Variants in CDH13 observed in about 807,000 individuals in gnomAD.
The protein encoded by CDH13 is cadherin-13.
In CDH13, 24 loss-of-function variants were observed where a neutral mutation model predicts 63.8. That is an observed-to-expected ratio of 0.38 (90% CI 0.27 to 0.53). The LOEUF (loss-of-function observed/expected upper bound fraction) is 0.53, where lower values mean the gene tolerates loss of function less well. CDH13 is among the 20% of genes least tolerant of loss of function. The pLI is 0.85. For synonymous variants in CDH13, 503 were observed against 355.3 expected, an observed-to-expected ratio of 1.42 and a Z score of -4.67; for missense variants, 1,049 against 903.1, an observed-to-expected ratio of 1.16 and a Z score of -2.07.
intron 2 of CDH13, among the ~76,000 whole-genome samples, chr16:83,010,651 C>G (rs1157370289): frequency 6.6e-6 from 1 of 152,146 alleles, no homozygotes; most frequent in East Asian, 1.9e-4. Context: ...GTGGGTGAAT[C>G]TGCTGCAAAC....
chr16:83,268,242 T>G (rs2088684980), intron 5 of CDH13, among the ~76,000 whole-genome samples: 1 of 152,210 alleles, frequency 6.6e-6, no homozygotes, highest in Non-Finnish European at 1.5e-5. Flanking sequence ...ACTCATGTTG[T>G]ATACAACCTT....
intron 2 of CDH13, among the ~76,000 whole-genome samples, chr16:82,870,630 G>T (rs193250861): frequency 1.3e-5 from 2 of 152,098 alleles, no homozygotes; most frequent in East Asian, 3.9e-4. Context: ...TACCCAATAA[G>T]ATGAAATTGG....
In CDH13 at chr16:83,047,243, T is replaced by TTA. The variant is rs921820921; in HGVS notation, c.366+15027_366+15028dup. Among the ~76,000 whole-genome samples the TTA allele has an allele frequency of 1.1e-4, 17 of 152,088 alleles. No homozygotes were observed. The highest frequency in any genetic ancestry group is 4.1e-4 in the African/African-American group (17 of 41,412). Reference sequence around the variant, plus strand: ...TTACTCCAGAGGCCTGTGTATTTATTTATTTATTTATTTTTTTGGTAAAGG... The same window carrying TTA: ...TTACTCCAGAGGCCTGTGTATTTATTTATATTTATTTATTTTTTTGGTAAAGG... On this transcript the variant is annotated intron_variant, in intron 3 of 13. Transcript: ENST00000567109. This position sits in a 1 kb window ranked among gnomAD's most constrained non-coding sequence, Gnocchi z 4.9.
intron 1 of CDH13, among the ~76,000 whole-genome samples, chr16:82,835,683 C>A (rs2038737825): frequency 6.6e-6 from 1 of 152,296 alleles, no homozygotes; most frequent in South Asian, 2.1e-4. Flanking sequence ...AGCGGCCTCC[C>A]TGCTCCTGTT....
chr16:83,567,470 C>A (rs930238798), intron 7 of CDH13, among the ~76,000 whole-genome samples: 3 of 152,152 alleles, frequency 2.0e-5, no homozygotes, highest in Non-Finnish European at 4.4e-5. Context: ...CATAAGACTT[C>A]GCTAGTAAAT....
intron 3 of CDH13, among the ~76,000 whole-genome samples, chr16:83,088,436 T>C (rs947239771): frequency 6.6e-6 from 1 of 152,178 alleles, no homozygotes; most frequent in African/African-American, 2.4e-5. Context: ...TGTTTCCAGG[T>C]GACAGTTGCC....
intron 7 of CDH13, among the ~76,000 whole-genome samples, chr16:83,541,934 C>A (rs1328501547): frequency 2.1e-4 from 32 of 152,180 alleles, no homozygotes; most frequent in Non-Finnish European, 3.4e-4. Flanking sequence ...CATCATTGTA[C>A]CCATTCCCTA....
At chr16:83,055,860 C>G (rs934659217) in intron 3 of CDH13, among the ~76,000 whole-genome samples, 5 of 151,944 alleles carry the variant, frequency 3.3e-5, no homozygotes, top group Non-Finnish European at 7.4e-5. Flanking sequence ...AATTTGACTT[C>G]AATAAAAGTA....
At chr16:83,702,817 G>C (rs937904042) in intron 10 of CDH13, among the ~76,000 whole-genome samples, 31 of 152,176 alleles carry the variant, frequency 2.0e-4, no homozygotes, top group Non-Finnish European at 3.8e-4. Flanking sequence ...AGAGGGTCTG[G>C]GAGAAAACTG....
At position 82,937,825 on chromosome 16, in the gene CDH13, A is replaced by G. The variant is rs1033961983; in HGVS notation, c.157+79352A>G. On this transcript the variant is annotated intron_variant, in intron 2 of 13. Transcript: ENST00000567109. ...GTAGATTTAATGTTGTTTATTCATC[A>G]TATCTATCACATTTGTTTTTTAAAT... Among the ~76,000 whole-genome samples the G allele has an allele frequency of 8.5e-5, 13 of 152,358 alleles. No homozygotes were observed. The East Asian group carries it at 2.1e-3, about 25-fold the overall frequency.
intron 6 of CDH13, among the ~76,000 whole-genome samples, chr16:83,411,697 C>T (rs1426442298): frequency 2.0e-5 from 3 of 152,070 alleles, no homozygotes; most frequent in African/African-American, 4.8e-5. Context: ...TCTGATATGT[C>T]CCTAGTACAC....
intron 2 of CDH13, among the ~76,000 whole-genome samples, chr16:82,959,873 G>A (rs113915668): frequency 3.3e-5 from 5 of 152,238 alleles, no homozygotes; most frequent in African/African-American, 1.2e-4. Flanking sequence ...GCACAATTGT[G>A]TACAGATTTT....
At chr16:82,724,231 C>T (rs949134800) in intron 1 of CDH13, among the ~76,000 whole-genome samples, 5 of 152,112 alleles carry the variant, frequency 3.3e-5, no homozygotes, top group Non-Finnish European at 7.4e-5. Context: ...TTTCATTAAT[C>T]CAGTCATCCT....
At chr16:83,090,297 C>T (rs758923975) in intron 3 of CDH13, among the ~76,000 whole-genome samples, 53 of 152,188 alleles carry the variant, frequency 3.5e-4, no homozygotes, top group African/African-American at 9.4e-4. Flanking sequence ...GTTTGTGGGC[C>T]GGGCACGGTG....
rs544627455 is a variant in CDH13, at chr16:82,816,872, C to G, written c.46-41490C>G. 5.3e-4 allele frequency among the ~76,000 whole-genome samples: 81 copies of G among 152,002 alleles called. 1 individual carries two copies. In the Middle Eastern group the frequency reaches 0.01, roughly 19 times the overall value. On this transcript the variant is annotated intron_variant, in intron 1 of 13. Transcript: ENST00000567109. Reference sequence around the variant, plus strand: ...GCACTCCTGAAGCTCCAACTCAGCACAGGATACAACGAAAGGATAATGTGA... The same window carrying G: ...GCACTCCTGAAGCTCCAACTCAGCAGAGGATACAACGAAAGGATAATGTGA...
At chr16:83,506,282 G>C (rs546425413) in intron 7 of CDH13, among the ~76,000 whole-genome samples, 1 of 152,266 alleles carries the variant, frequency 6.6e-6, no homozygotes, top group African/African-American at 2.4e-5. Flanking sequence ...TGATCTCTCT[G>C]GGGGTTGGGG....
chr16:83,356,230 GTGTGTGT>G (rs2091053202), intron 6 of CDH13, among the ~76,000 whole-genome samples: 2 of 88,466 alleles, frequency 2.3e-5, no homozygotes, highest in African/African-American at 1.3e-4. Context: ...GTGTGTGTGT[GTGTGTGT>G]GTGTGTGTGT....
intron 3 of CDH13, 67 bp downstream of exon 3, chr16:83,032,285 A>T: frequency 8.2e-7 from 1 of 1,218,830 alleles, no homozygotes; most frequent in Non-Finnish European, 1.2e-6. Context: ...CTTATGTGGA[A>T]AATGGGTCTT....
intron 7 of CDH13, among the ~76,000 whole-genome samples, chr16:83,568,746 G>T (rs1039168996): frequency 6.6e-6 from 1 of 152,092 alleles, no homozygotes; most frequent in East Asian, 1.9e-4. Context: ...AGTTGTAAAG[G>T]ATCCTCACTC....
Sources: gnomAD v4.1 joint callset for allele counts (sites outside exome capture counted in the v4.1 genomes callset) on GRCh38, gnomAD v4.1.1 for gene constraint, Gnocchi (gnomAD v3.1) non-coding constraint, MANE v1.5 for transcripts, NCBI Gene and HGNC (gene_info 2026-07-23, HGNC 2026-07-21) for gene names.